The following MAGI2 variants were observed in gnomAD, a reference collection of about 807,000 sequenced individuals.
MAGI2 encodes the protein membrane associated guanylate kinase, WW and PDZ domain containing 2, also known as membrane-associated guanylate kinase, WW and PDZ domain-containing protein 2.
MAGI2 carries 35 observed loss-of-function variants against 133.3 expected under a neutral mutation model. The observed-to-expected ratio is 0.26, with a 90% CI of 0.20 to 0.35. The LOEUF is 0.35. MAGI2 is among the 10% of genes least tolerant of loss of function. The probability of loss-of-function intolerance (pLI) is 1.00; values close to 1 mark genes in which losing one functional copy is unlikely to be tolerated. For synonymous variants in MAGI2, 729 were observed against 710.6 expected (o/e 1.03, Z -0.41); for missense variants, 1,636 against 1,863.4 (o/e 0.88, Z 2.25).
chr7:78,375,194 G>T (rs1235939999), intron 6 of MAGI2, among the ~76,000 whole-genome samples: 1 of 152,018 alleles, frequency 6.6e-6, no homozygotes, highest in Non-Finnish European at 1.5e-5. Flanking sequence ...TTTTAATTTT[G>T]CTATCTTACC....
intron 1 of MAGI2, among the ~76,000 whole-genome samples, chr7:79,369,426 CT>C (rs1264361479): frequency 6.6e-6 from 1 of 151,788 alleles, no homozygotes. Flanking sequence ...GATGCAAAGC[CT>C]TTTTCCATTT....
intron 1 of MAGI2, among the ~76,000 whole-genome samples, chr7:79,280,493 T>A (rs1040074519): frequency 2.6e-5 from 4 of 152,138 alleles, no homozygotes; most frequent in Admixed American, 1.3e-4. Flanking sequence ...TCGGAAGATT[T>A]TCCATGTAGC....
At chr7:78,086,521 G>A (rs1816656538) in intron 20 of MAGI2, among the ~76,000 whole-genome samples, 1 of 151,240 alleles carries the variant, frequency 6.6e-6, no homozygotes, top group African/African-American at 2.4e-5. Flanking sequence ...ACAGGTGTAA[G>A]GCACCGCACC....
intron 1 of MAGI2, among the ~76,000 whole-genome samples, chr7:79,073,672 C>T (rs1815200504): frequency 6.6e-6 from 1 of 151,800 alleles, no homozygotes; most frequent in East Asian, 1.9e-4. Flanking sequence ...AATTATGATA[C>T]TTCCCTTCTT....
At chr7:78,077,723 A>ATATTT (rs1300577440) in intron 21 of MAGI2, among the ~76,000 whole-genome samples, 1 of 95,980 alleles carries the variant, frequency 1.0e-5, no homozygotes, top group Admixed American at 9.6e-5. Context: ...ACTCTTTAGA[A>ATATTT]TGTTTTTTTT....
chr7:78,610,729 A>T (rs1429404549), intron 3 of MAGI2, among the ~76,000 whole-genome samples: 2 of 152,220 alleles, frequency 1.3e-5, no homozygotes, highest in African/African-American at 2.4e-5. Context: ...ATAGAATTTC[A>T]TATGACTTAT....
chr7:78,888,740 A>C (rs188897878), intron 2 of MAGI2, among the ~76,000 whole-genome samples: 1 of 152,298 alleles, frequency 6.6e-6, no homozygotes, highest in African/African-American at 2.4e-5. Flanking sequence ...CATCACCATC[A>C]TCAAAGACCA....
At chr7:78,280,553 T>C (rs959205365) in intron 9 of MAGI2, among the ~76,000 whole-genome samples, 9 of 152,126 alleles carry the variant, frequency 5.9e-5, no homozygotes, top group African/African-American at 1.9e-4. Flanking sequence ...TCATTATGTG[T>C]CAGCACATAG....
chr7:78,170,784 C>T (rs1396828368), intron 14 of MAGI2: 2 of 151,220 alleles, frequency 1.3e-5, no homozygotes, highest in Non-Finnish European at 2.9e-5. Flanking sequence ...CACTATAACA[C>T]AAGTATAAAT....
At chr7:78,486,614 G>T in intron 6 of MAGI2, 2 of 299,878 alleles carry the variant, frequency 6.7e-6, no homozygotes, top group East Asian at 8.2e-5. Context: ...GGAGTTGTGG[G>T]TGCAGTGATT....
At chr7:78,942,153 C>A (rs1427188540) in intron 2 of MAGI2, among the ~76,000 whole-genome samples, 3 of 152,052 alleles carry the variant, frequency 2.0e-5, no homozygotes, top group Admixed American at 6.6e-5. Context: ...AGCTTGATCC[C>A]AACAATAGAA....
intron 1 of MAGI2, among the ~76,000 whole-genome samples, chr7:79,280,631 A>G (rs1014898738): frequency 6.6e-6 from 1 of 152,122 alleles, no homozygotes; most frequent in Admixed American, 6.6e-5. Context: ...ACAATAAAGA[A>G]TAAAACAAGG....
At chr7:78,289,062 G>A (rs1023022627) in intron 9 of MAGI2, among the ~76,000 whole-genome samples, 16 of 152,174 alleles carry the variant, frequency 1.1e-4, no homozygotes, top group South Asian at 2.1e-4. Flanking sequence ...CCAAAGGAAC[G>A]CAGCTCCTCA....
chr7:78,977,506 AG>A lies in MAGI2; in HGVS notation c.418+29583del, dbSNP rs1383735146. Among the ~76,000 whole-genome samples, 3 of 57,718 alleles carry A rather than the reference AG, an allele frequency of 5.2e-5. No individual in the cohort carries two copies. The East Asian group carries it at 2.4e-3, about 46-fold the overall frequency. 37.9% of individuals were successfully genotyped at this position (57,718 alleles called of 152,430 possible). On this transcript the variant is annotated intron_variant, in intron 2 of 21. Coordinates refer to ENST00000354212, the MANE Select transcript of MAGI2 (RefSeq NM_012301.4). ...AAGAAAGAAAGAAAGAAAGAAAGAA[AG>A]AAAGAAAGAAAGAAAGAAAGAGCAA...
intron 10 of MAGI2, among the ~76,000 whole-genome samples, chr7:78,211,803 T>G (rs972966584): frequency 1.3e-5 from 2 of 152,244 alleles, no homozygotes; most frequent in African/African-American, 4.8e-5. Flanking sequence ...TTTCCACTTT[T>G]TGTTCTTTTA....
chr7:79,388,445 A>T (rs1357973144), intron 1 of MAGI2, among the ~76,000 whole-genome samples: 1 of 152,000 alleles, frequency 6.6e-6, no homozygotes, highest in African/African-American at 2.4e-5. Context: ...TCTATAAAAC[A>T]TGATGAGACT....
At chr7:79,213,154 G>T (rs1829647036) in intron 1 of MAGI2, among the ~76,000 whole-genome samples, 1 of 151,468 alleles carries the variant, frequency 6.6e-6, no homozygotes, top group South Asian at 2.1e-4. Flanking sequence ...TATGACTTGA[G>T]ATTTTTCTGT....
At chr7:78,856,698 T>A (rs1793670340) in intron 2 of MAGI2, among the ~76,000 whole-genome samples, 1 of 152,214 alleles carries the variant, frequency 6.6e-6, no homozygotes. Context: ...TGCCTCCAGC[T>A]TTTTTCTTTT....
chr7:78,408,631 T>G (rs931096815), intron 6 of MAGI2, among the ~76,000 whole-genome samples: 2 of 152,204 alleles, frequency 1.3e-5, no homozygotes, highest in Admixed American at 1.3e-4. Context: ...AATTTGGCAG[T>G]CTAGCCACAT....
Sources: allele counts gnomAD v4.1 joint callset (sites outside exome capture counted in the v4.1 genomes callset), GRCh38; gene constraint gnomAD v4.1.1; transcripts MANE v1.5; gene names NCBI Gene and HGNC (gene_info 2026-07-23, HGNC 2026-07-21).